The following INTS15 variants were observed in gnomAD, a reference collection of about 807,000 sequenced individuals.
INTS15 encodes uncharacterized protein C7orf26.
the INTS15 span, chr7:6,590,301 C>T: frequency 2.5e-6 from 4 of 1,575,490 alleles, no homozygotes; most frequent in East Asian, 7.1e-5. Context: ...ACATCCGCCA[C>T]TCGCTGCTGC....
chr7:6,606,973 A>C, the INTS15 span, among the ~76,000 whole-genome samples: 1 of 152,080 alleles, frequency 6.6e-6, no homozygotes, highest in Non-Finnish European at 1.5e-5. Flanking sequence ...TGCTGGCATT[A>C]CAGGCGTGAG....
the INTS15 span, chr7:6,590,581 T>G: frequency 7.2e-7 from 1 of 1,389,922 alleles, no homozygotes; most frequent in Non-Finnish European, 9.3e-7. Context: ...ATGTCCAGGA[T>G]CCCCGCGCTC....
chr7:6,591,268 C>CTT, the INTS15 span, among the ~76,000 whole-genome samples: 26 of 131,772 alleles, frequency 2.0e-4, 1 homozygote, highest in East Asian at 4.1e-3. Context: ...TCCTGTTTTT[C>CTT]TTTTTTTTTT....
At chr7:6,600,190 G>C in the INTS15 span, 2 of 1,614,186 alleles carry the variant, frequency 1.2e-6, no homozygotes, top group Non-Finnish European at 1.7e-6. Flanking sequence ...ATGGGCGCCT[G>C]GGGCTGATCC....
the INTS15 span, among the ~76,000 whole-genome samples, chr7:6,601,518 A>G: frequency 6.7e-6 from 1 of 149,920 alleles, no homozygotes; most frequent in Non-Finnish European, 1.5e-5. Flanking sequence ...ATGGTTTCAA[A>G]CTCCTGACCT....
the INTS15 span, chr7:6,607,426 A>G: frequency 8.7e-6 from 5 of 572,960 alleles, no homozygotes; most frequent in Non-Finnish European, 1.2e-5. This position sits in a 1 kb window ranked among gnomAD's most constrained non-coding sequence, Gnocchi z 6.0. Context: ...TCTGAAGCTG[A>G]GGCTGCGCGG....
the INTS15 span, chr7:6,590,039 T>TGCGCGGCGGCAGC: frequency 3.5e-5 from 8 of 228,196 alleles, no homozygotes; most frequent in Non-Finnish European, 5.0e-5. Flanking sequence ...GCTGTTCGGC[T>TGCGCGGCGGCAGC]GCGCGGCGGC....
At chr7:6,592,712 G>T in the INTS15 span, among the ~76,000 whole-genome samples, 2 of 150,464 alleles carry the variant, frequency 1.3e-5, no homozygotes, top group Non-Finnish European at 3.0e-5. Flanking sequence ...GGGCTCAAGT[G>T]ATCCTCCTAC....
chr7:6,591,973 AC>A, the INTS15 span: 4 of 918,466 alleles, frequency 4.4e-6, no homozygotes, highest in Non-Finnish European at 6.7e-6. Context: ...GGGGTTCAAG[AC>A]CAGCCTGACC....
chr7:6,590,442 C>A, the INTS15 span: 1 of 1,598,822 alleles, frequency 6.3e-7, no homozygotes, highest in Non-Finnish European at 8.5e-7. Context: ...AGTTCGTGTT[C>A]CAGGTGCCCA....
the INTS15 span, among the ~76,000 whole-genome samples, chr7:6,598,841 C>T: frequency 7.1e-6 from 1 of 141,192 alleles, no homozygotes; most frequent in African/African-American, 2.7e-5. Flanking sequence ...GGCTGTTGTA[C>T]AGTGGGACAG....
chr7:6,594,493 G>T, the INTS15 span: 1 of 1,614,168 alleles, frequency 6.2e-7, no homozygotes, highest in Admixed American at 1.7e-5. Context: ...GACTACTGCT[G>T]TTTGGTGCCG....
At chr7:6,598,236 G>A in the INTS15 span, among the ~76,000 whole-genome samples, 1 of 152,140 alleles carries the variant, frequency 6.6e-6, no homozygotes, top group Non-Finnish European at 1.5e-5. Flanking sequence ...TTGGGAGGCC[G>A]AGGTGGGCGG....
At chr7:6,595,690 T>A in the INTS15 span, among the ~76,000 whole-genome samples, 1 of 152,112 alleles carries the variant, frequency 6.6e-6, no homozygotes, top group Non-Finnish European at 1.5e-5. Flanking sequence ...TTTTTTTTAC[T>A]TTTTTGGATA....
chr7:6,594,431 C>G, the INTS15 span: 321 of 1,614,010 alleles, frequency 2.0e-4, no homozygotes, highest in African/African-American at 3.9e-3. Context: ...TGGCTTCTTT[C>G]CAGCGGACGC....
chr7:6,604,977 C>G, the INTS15 span, among the ~76,000 whole-genome samples: 3 of 151,988 alleles, frequency 2.0e-5, no homozygotes, highest in Admixed American at 1.3e-4. Context: ...TCCTCTTTTT[C>G]TTTTTCTCTT....
At chr7:6,601,210 A>C in the INTS15 span, among the ~76,000 whole-genome samples, 4 of 152,128 alleles carry the variant, frequency 2.6e-5, no homozygotes, top group Non-Finnish European at 4.4e-5. Context: ...GGCTCAAGTG[A>C]TCTTCCTGCC....
chr7:6,600,115 A>T, the INTS15 span: 1 of 1,613,626 alleles, frequency 6.2e-7, no homozygotes, highest in Non-Finnish European at 8.5e-7. Context: ...TGTACTCAAA[A>T]CTCCACCTCA....
At chr7:6,601,776 C>A in the INTS15 span, among the ~76,000 whole-genome samples, 1 of 151,986 alleles carries the variant, frequency 6.6e-6, no homozygotes, top group African/African-American at 2.4e-5. Flanking sequence ...CCTGCCTCAG[C>A]CGCCTGAGTA....
Sources: gnomAD v4.1 joint callset for allele counts (sites outside exome capture counted in the v4.1 genomes callset) on GRCh38, gnomAD v4.1.1 for gene constraint, Gnocchi (gnomAD v3.1) non-coding constraint, MANE v1.5 for transcripts, NCBI Gene and HGNC (gene_info 2026-07-23, HGNC 2026-07-21) for gene names.